The following DNM3 variants were observed in gnomAD, a reference collection of about 807,000 sequenced individuals.
The protein encoded by DNM3 is dynamin-3.
DNM3 carries 47 observed loss-of-function variants against 101.6 expected under a neutral mutation model. The ratio of observed to expected loss-of-function variants is 0.46; its 90% CI spans 0.37 to 0.59. The LOEUF is 0.59. DNM3 is among the 20% of genes least tolerant of loss of function. The pLI is 0.00. For synonymous variants in DNM3, 385 were observed against 387.9 expected (o/e 0.99, Z 0.09); for missense variants, 849 against 1,085.7 (o/e 0.78, Z 3.06).
chr1:172,113,412 G>A (rs1478575555), intron 13 of DNM3, among the ~76,000 whole-genome samples: 1 of 152,020 alleles, frequency 6.6e-6, no homozygotes, highest in Non-Finnish European at 1.5e-5. Context: ...GGAAGTCGGA[G>A]TTCGAGATCA....
At chr1:172,155,268 T>C (rs2058293244) in intron 14 of DNM3, among the ~76,000 whole-genome samples, 2 of 150,432 alleles carry the variant, frequency 1.3e-5, no homozygotes, top group Non-Finnish European at 1.5e-5. Flanking sequence ...CATGCATTTC[T>C]CAACTTGGTA....
chr1:172,191,285 T>C (rs2059713164), intron 14 of DNM3, among the ~76,000 whole-genome samples: 1 of 152,184 alleles, frequency 6.6e-6, no homozygotes, highest in Non-Finnish European at 1.5e-5. Context: ...TCTTTCCCCA[T>C]TTCTTGTTTT....
At chr1:172,163,059 C>A (rs2058602137) in intron 14 of DNM3, among the ~76,000 whole-genome samples, 1 of 151,814 alleles carries the variant, frequency 6.6e-6, no homozygotes, top group Non-Finnish European at 1.5e-5. Flanking sequence ...AAAATTATAT[C>A]TATTTAAGGT....
At chr1:172,172,696 T>C (rs2148350093) in intron 14 of DNM3, among the ~76,000 whole-genome samples, 1 of 151,784 alleles carries the variant, frequency 6.6e-6, no homozygotes, top group East Asian at 1.9e-4. Context: ...TCTATGTAAA[T>C]CAGAGATAAA....
chr1:172,327,713 G>A (rs1367017136), intron 17 of DNM3, among the ~76,000 whole-genome samples: 1 of 151,944 alleles, frequency 6.6e-6, no homozygotes, highest in East Asian at 1.9e-4. Flanking sequence ...ACATGCCCTG[G>A]GGTCTAAGGA....
intron 15 of DNM3, among the ~76,000 whole-genome samples, chr1:172,265,926 T>G (rs1245419726): frequency 6.6e-6 from 1 of 152,204 alleles, no homozygotes; most frequent in Admixed American, 6.5e-5. Context: ...CTTTCTACTT[T>G]GTAGCTTCAA....
chr1:172,327,458 A>G (rs897844319), intron 17 of DNM3, among the ~76,000 whole-genome samples: 1 of 152,192 alleles, frequency 6.6e-6, no homozygotes, highest in African/African-American at 2.4e-5. Flanking sequence ...TATGTGAGAG[A>G]AAGTAGATAG....
chr1:172,243,959 C>T (rs2061845558), intron 14 of DNM3, among the ~76,000 whole-genome samples: 2 of 152,162 alleles, frequency 1.3e-5, no homozygotes, highest in South Asian at 4.1e-4. Flanking sequence ...TGGTGCGCTG[C>T]ACCCACTAAC....
intron 14 of DNM3, among the ~76,000 whole-genome samples, chr1:172,217,924 T>C (rs1364520001): frequency 6.6e-6 from 1 of 152,176 alleles, no homozygotes; most frequent in Non-Finnish European, 1.5e-5. Flanking sequence ...TGAATTATTA[T>C]AAGCTAGTTT....
intron 15 of DNM3, among the ~76,000 whole-genome samples, chr1:172,301,911 G>A (rs543982253): frequency 2.0e-5 from 3 of 152,124 alleles, no homozygotes; most frequent in African/African-American, 4.8e-5. Flanking sequence ...TTATGGTCCC[G>A]TTCCAAGATG....
intron 2 of DNM3, among the ~76,000 whole-genome samples, chr1:171,972,329 G>A (rs547075758): frequency 1.9e-4 from 29 of 152,298 alleles, no homozygotes; most frequent in Admixed American, 5.9e-4. Flanking sequence ...AATCTTTAAG[G>A]CTGTTTCTAC....
chr1:172,130,929 C>T (rs1349182670), intron 13 of DNM3, among the ~76,000 whole-genome samples: 1 of 152,178 alleles, frequency 6.6e-6, no homozygotes, highest in African/African-American at 2.4e-5. Context: ...GTTTCAGTCA[C>T]TCCACTTCAA....
intron 14 of DNM3, among the ~76,000 whole-genome samples, chr1:172,236,651 G>A (rs2061557046): frequency 6.6e-6 from 1 of 152,002 alleles, no homozygotes; most frequent in Non-Finnish European, 1.5e-5. Context: ...TAGAGAAGAG[G>A]ACAGAGGGAG....
intron 2 of DNM3, among the ~76,000 whole-genome samples, chr1:171,940,100 C>T (rs2041712900): frequency 6.6e-6 from 1 of 152,110 alleles, no homozygotes; most frequent in Non-Finnish European, 1.5e-5. Flanking sequence ...GTCTGAACAG[C>T]TAAGAACAGA....
intron 14 of DNM3, among the ~76,000 whole-genome samples, chr1:172,220,513 G>C (rs1430915898): frequency 2.0e-5 from 3 of 152,186 alleles, no homozygotes; most frequent in Admixed American, 2.0e-4. Context: ...GCCTCTGACA[G>C]GTGGTAGGGG....
intron 2 of DNM3, among the ~76,000 whole-genome samples, chr1:171,922,919 A>T (rs140396224): frequency 6.6e-6 from 1 of 152,214 alleles, no homozygotes; most frequent in Non-Finnish European, 1.5e-5. Flanking sequence ...CATTGTCTGG[A>T]TAGATCACAT....
intron 14 of DNM3, among the ~76,000 whole-genome samples, chr1:172,251,673 C>T (rs755925824): frequency 2.0e-5 from 3 of 152,042 alleles, no homozygotes; most frequent in Non-Finnish European, 2.9e-5. Context: ...TAAAAGAGAG[C>T]CTACTTCTAT....
intron 13 of DNM3, among the ~76,000 whole-genome samples, chr1:172,105,105 A>G (rs1322177864): frequency 3.3e-5 from 5 of 152,226 alleles, no homozygotes; most frequent in African/African-American, 1.2e-4. Flanking sequence ...AAAGGGGCTA[A>G]TGTACAAATA....
At chr1:172,068,020 A>G (rs1181340141) in intron 10 of DNM3, among the ~76,000 whole-genome samples, 1 of 152,124 alleles carries the variant, frequency 6.6e-6, no homozygotes, top group African/African-American at 2.4e-5. Flanking sequence ...TCTGTGCTTC[A>G]CTTTTCTCCT....
Sources: gnomAD v4.1 joint callset for allele counts (sites outside exome capture counted in the v4.1 genomes callset) on GRCh38, gnomAD v4.1.1 for gene constraint, MANE v1.5 for transcripts, NCBI Gene and HGNC (gene_info 2026-07-23, HGNC 2026-07-21) for gene names.